Variants in ULK4 observed in about 807,000 individuals in gnomAD.
ULK4 encodes the protein unc-51 like kinase 4.
Under a neutral mutation model 160.6 loss-of-function variants are expected in ULK4, and 133 were observed. That is an observed-to-expected ratio of 0.83 (90% CI 0.72 to 0.96). The LOEUF is 0.96. Ranked by LOEUF, ULK4 falls within the 40% of genes least tolerant of loss-of-function variation. ULK4 has a pLI of 0.00. For missense variants in ULK4, 1,580 were observed against 1,499.5 expected, an observed-to-expected ratio of 1.05 and a Z score of -0.89; for synonymous variants, 534 against 539.8, an observed-to-expected ratio of 0.99 and a Z score of 0.15.
intron 16 of ULK4, among the ~76,000 whole-genome samples, chr3:41,893,437 G>C (rs1698040563): frequency 6.6e-6 from 1 of 152,102 alleles, no homozygotes. Flanking sequence ...CTAACAAAAG[G>C]CATTTTAAAC....
chr3:41,541,496 G>T (rs548470052), intron 32 of ULK4, among the ~76,000 whole-genome samples: 2 of 152,286 alleles, frequency 1.3e-5, no homozygotes, highest in South Asian at 4.1e-4. Context: ...GCTTAGGATT[G>T]TCTTGGCTAT....
intron 32 of ULK4, among the ~76,000 whole-genome samples, chr3:41,538,265 A>C (rs1232314362): frequency 6.6e-6 from 1 of 152,172 alleles, no homozygotes; most frequent in Non-Finnish European, 1.5e-5. Flanking sequence ...TAAAAGATGC[A>C]TCTTCAATGT....
At chr3:41,384,972 T>C (rs935760140) in intron 35 of ULK4, among the ~76,000 whole-genome samples, 33 of 152,046 alleles carry the variant, frequency 2.2e-4, no homozygotes, top group African/African-American at 7.0e-4. Context: ...AGATAATCAA[T>C]TGAATCCCTG....
chr3:41,793,600 C>G (rs2040212908), intron 20 of ULK4, among the ~76,000 whole-genome samples: 1 of 152,132 alleles, frequency 6.6e-6, no homozygotes, highest in Non-Finnish European at 1.5e-5. Flanking sequence ...AAGCTCCCCT[C>G]CAACCCTAGT....
chr3:41,339,098 G>A (rs539471696), intron 35 of ULK4, among the ~76,000 whole-genome samples: 2 of 151,944 alleles, frequency 1.3e-5, no homozygotes, highest in African/African-American at 4.8e-5. Flanking sequence ...ACCCAGTCAG[G>A]TTGAGACATA....
chr3:41,478,120 T>C (rs1331189726), intron 32 of ULK4, among the ~76,000 whole-genome samples: 2 of 152,174 alleles, frequency 1.3e-5, no homozygotes, highest in African/African-American at 4.8e-5. Flanking sequence ...ATCCTCACCC[T>C]CATCCATGGG....
intron 32 of ULK4, among the ~76,000 whole-genome samples, chr3:41,554,647 C>A (rs529026353): frequency 1.3e-5 from 2 of 151,954 alleles, no homozygotes; most frequent in Admixed American, 6.6e-5. Flanking sequence ...GTTGATATCA[C>A]CATATGGTGC....
intron 15 of ULK4, among the ~76,000 whole-genome samples, chr3:41,896,085 G>GA (rs960425108): frequency 1.3e-5 from 2 of 151,882 alleles, no homozygotes; most frequent in African/African-American, 4.8e-5. Context: ...AGGGGAAGAG[G>GA]AAAAAAATGT....
In ULK4 at chr3:41,455,719, G is replaced by A. The variant is rs1575245674; in HGVS notation, c.3394-124C>T. ...GGAAGCATTCTACCTCAGTTCCCAAGGATGGAATAGATGGAGGCCCCAGAA... is the reference window on the plus strand; with the variant it reads ...GGAAGCATTCTACCTCAGTTCCCAAAGATGGAATAGATGGAGGCCCCAGAA... On this transcript the variant is annotated intron_variant, in intron 33 of 36. Coordinates refer to ENST00000301831, the MANE Select transcript of ULK4 (RefSeq NM_017886.4). 9.3e-6 allele frequency: 7 copies of A among 754,234 alleles called. No individual in the cohort carries two copies. The East Asian group carries it at 1.9e-4, about 20-fold the overall frequency. The allele number at this position is 754,234 out of a possible 1,614,324, so 46.7% of individuals were successfully genotyped here. A position where few individuals can be genotyped will look rare whatever the true frequency, so the allele number is the denominator to read the frequency against.
chr3:41,673,196 CCTTT>C (rs983213855), intron 29 of ULK4, among the ~76,000 whole-genome samples: 20 of 152,010 alleles, frequency 1.3e-4, no homozygotes, highest in African/African-American at 4.3e-4. Context: ...ATGAAACACT[CCTTT>C]CTATTATGAT....
chr3:41,380,679 C>T (rs1049523289), intron 35 of ULK4, among the ~76,000 whole-genome samples: 21 of 152,082 alleles, frequency 1.4e-4, no homozygotes, highest in Admixed American at 1.4e-3. Flanking sequence ...TTATACAGGT[C>T]GCCATGTAAA....
chr3:41,391,284 T>C (rs1354642866), intron 35 of ULK4, among the ~76,000 whole-genome samples: 2 of 152,120 alleles, frequency 1.3e-5, no homozygotes, highest in Non-Finnish European at 2.9e-5. Context: ...CATCCTCTCA[T>C]GGTTTTAGGA....
chr3:41,419,013 G>A (rs767391763), intron 34 of ULK4, among the ~76,000 whole-genome samples: 5 of 152,176 alleles, frequency 3.3e-5, no homozygotes, highest in Non-Finnish European at 7.4e-5. Flanking sequence ...AGAGTCTTAC[G>A]AGGTTAGAAC....
intron 31 of ULK4, among the ~76,000 whole-genome samples, chr3:41,579,113 T>C (rs974705591): frequency 5.9e-5 from 9 of 152,192 alleles, no homozygotes; most frequent in Admixed American, 5.2e-4. Flanking sequence ...AAGAAGCCCT[T>C]TGAACAATGG....
chr3:41,384,916 A>G (rs1329290600), intron 35 of ULK4, among the ~76,000 whole-genome samples: 1 of 152,086 alleles, frequency 6.6e-6, no homozygotes, highest in Non-Finnish European at 1.5e-5. Flanking sequence ...TTAGCTGGGC[A>G]TGCTGGTGCA....
At position 41,954,530 on chromosome 3, in the gene ULK4, T is replaced by C. The variant is rs1559674904; in HGVS notation, c.138+92A>G. On this transcript the variant is annotated intron_variant, in intron 2 of 36. Coordinates refer to ENST00000301831, the MANE Select transcript of ULK4 (RefSeq NM_017886.4). The stretch of plus-strand genomic sequence containing the variant: ...CAGACTGAAAATGTGGCATTTGATA[T>C]ATCAAATTCAATGACTACTGTGAAA... The C allele has an allele frequency of 4.2e-6, 6 of 1,419,234 alleles. No individual in the cohort carries two copies. In the Admixed American group the frequency reaches 6.8e-5, roughly 16 times the overall value. The allele number at this position is 1,419,234 out of a possible 1,614,324, so 87.9% of individuals were successfully genotyped here.
chr3:41,517,191 A>G (rs1229238674), intron 32 of ULK4, among the ~76,000 whole-genome samples: 2 of 150,398 alleles, frequency 1.3e-5, no homozygotes, highest in Admixed American at 1.3e-4. Flanking sequence ...ACCCATCAGA[A>G]TGACTAAAAT....
chr3:41,589,764 C>T (rs1354218828), intron 31 of ULK4, among the ~76,000 whole-genome samples: 1 of 151,994 alleles, frequency 6.6e-6, no homozygotes. Context: ...ATATGACAGA[C>T]TTAATGCAAA....
intron 32 of ULK4, among the ~76,000 whole-genome samples, chr3:41,494,684 C>T (rs1035845441): frequency 1.1e-3 from 174 of 152,114 alleles, no homozygotes; most frequent in East Asian, 2.3e-3. Flanking sequence ...GAAAACCCCA[C>T]TGTCTCAGCC....
Sources: gnomAD v4.1 joint callset for allele counts (sites outside exome capture counted in the v4.1 genomes callset) on GRCh38, gnomAD v4.1.1 for gene constraint, MANE v1.5 for transcripts, NCBI Gene and HGNC (gene_info 2026-07-23, HGNC 2026-07-21) for gene names.